ARHGAP42: variants seen among roughly 807,000 people sequenced by gnomAD.
ARHGAP42 encodes Rho GTPase activating protein 42, also known as rho GTPase-activating protein 42.
In ARHGAP42, 63 loss-of-function variants were observed where a neutral mutation model predicts 125.0. The observed-to-expected ratio is 0.50, with a 90% CI of 0.41 to 0.62. The LOEUF is 0.62. ARHGAP42 is among the 20% of genes least tolerant of loss of function. ARHGAP42 has a pLI of 0.00. For synonymous variants in ARHGAP42, 339 were observed against 351.0 expected (o/e 0.97, Z 0.38); for missense variants, 766 against 1,024.2 (o/e 0.75, Z 3.44).
intron 21 of ARHGAP42, among the ~76,000 whole-genome samples, chr11:100,977,243 G>GTA: frequency 6.6e-6 from 1 of 152,280 alleles, no homozygotes; most frequent in African/African-American, 2.4e-5. Flanking sequence ...GAAAACTGAT[G>GTA]TATAATACAG....
intron 3 of ARHGAP42, among the ~76,000 whole-genome samples, chr11:100,797,347 G>A (rs142037565): frequency 0.014 from 2,127 of 152,260 alleles, 51 homozygotes; most frequent in African/African-American, 0.049. Context: ...GACTTTCACA[G>A]CAATAAAAGA....
Position 100,738,222 on chromosome 11 carries a change from A to G in ARHGAP42, c.155-32121A>G, listed in dbSNP as rs145119094. On this transcript the variant is annotated intron_variant, in intron 1 of 23. Transcript: ENST00000298815. ...GGTTAAAATTATTACAATGCTTCAG[A>G]GGCAATTATTTACATATGTTTTCTC... Among the ~76,000 whole-genome samples the G allele has an allele frequency of 2.6e-3, 398 of 152,342 alleles. 4 individuals carry two copies. The highest frequency in any genetic ancestry group is 9.1e-3 in the African/African-American group (379 of 41,584).
chr11:100,699,507 T>TATATATATA (rs1491440671), intron 1 of ARHGAP42, among the ~76,000 whole-genome samples: 1 of 28,600 alleles, frequency 3.5e-5, no homozygotes, highest in South Asian at 2.2e-3. Flanking sequence ...TATATATATA[T>TATATATATA]TTTTTTTTTT....
chr11:100,809,043 A>G (rs909897019), intron 3 of ARHGAP42, among the ~76,000 whole-genome samples: 2 of 152,180 alleles, frequency 1.3e-5, no homozygotes, highest in African/African-American at 2.4e-5. Context: ...GAGAGGGCCC[A>G]CATTGCTTGT....
At chr11:100,970,837 G>A (rs1205153066) in intron 17 of ARHGAP42, among the ~76,000 whole-genome samples, 1 of 152,110 alleles carries the variant, frequency 6.6e-6, no homozygotes, top group East Asian at 2.0e-4. Context: ...CACCCTAGAT[G>A]TCTGGCTAGT....
At chr11:100,976,518 A>G in intron 20 of ARHGAP42, 81 bp downstream of exon 20, 1 of 1,440,578 alleles carries the variant, frequency 6.9e-7, no homozygotes, top group South Asian at 1.5e-5. Flanking sequence ...TTAAGCAGGG[A>G]TAAAGTTAAT....
At chr11:100,725,454 C>G (rs7126604) in intron 1 of ARHGAP42, among the ~76,000 whole-genome samples, 70,743 of 149,854 alleles carry the variant, frequency 0.47, 17,367 homozygotes, top group African/African-American at 0.63. Context: ...CAGGCGTGAG[C>G]CACCGCGCCC....
intron 1 of ARHGAP42, among the ~76,000 whole-genome samples, chr11:100,720,354 A>G (rs1861738322): frequency 2.0e-5 from 3 of 152,222 alleles, no homozygotes; most frequent in Admixed American, 1.3e-4. Flanking sequence ...ATGATTGTTG[A>G]TAATGTTGGA....
intron 2 of ARHGAP42, among the ~76,000 whole-genome samples, chr11:100,790,064 G>A (rs1180240033): frequency 1.3e-5 from 2 of 152,172 alleles, no homozygotes; most frequent in Non-Finnish European, 2.9e-5. Flanking sequence ...GTGGAGTTAT[G>A]TCAACAATGA....
At chr11:100,688,616 A>T (rs1036710695) in intron 1 of ARHGAP42, among the ~76,000 whole-genome samples, 4 of 152,220 alleles carry the variant, frequency 2.6e-5, no homozygotes, top group African/African-American at 9.6e-5. Context: ...AATTCCTAAG[A>T]CCTAAGAGTA....
intron 3 of ARHGAP42, among the ~76,000 whole-genome samples, chr11:100,841,832 C>T (rs1037985289): frequency 1.3e-5 from 2 of 152,148 alleles, no homozygotes; most frequent in East Asian, 1.9e-4. Context: ...CTTTGCCTAT[C>T]CAGTTTAATT....
At chr11:100,870,024 A>G (rs771298579) in intron 4 of ARHGAP42, among the ~76,000 whole-genome samples, 6 of 152,186 alleles carry the variant, frequency 3.9e-5, no homozygotes, top group South Asian at 2.1e-4. Flanking sequence ...TGACTGTGCA[A>G]TACAGTGGAG....
chr11:100,687,727 G>C lies in ARHGAP42; in HGVS notation c.49G>C (p.Asp17His). ...EFSDSYLDSP[D>H]FRERLQCHEI... ...CAGCGATTCCTACTTGGACAGCCCA[G>C]ATTTCAGGGAGCGCTTGCAGTGTCA... Residue 17 changes from aspartate to histidine, a missense_variant, in exon 1 of 24, where the codon GAT becomes CAT. Physicochemically the swap from Asp to His is moderately conservative, Grantham distance 81 (BLOSUM62 -1). Transcript: ENST00000298815. 6.5e-7 allele frequency: 1 copy of C among 1,549,984 alleles called. No homozygotes were observed. The highest frequency in any genetic ancestry group is 2.4e-5 in the East Asian group (1 of 40,886).
chr11:100,717,366 G>A (rs530594498), intron 1 of ARHGAP42, among the ~76,000 whole-genome samples: 2 of 152,088 alleles, frequency 1.3e-5, no homozygotes, highest in African/African-American at 2.4e-5. Context: ...GGCCGGGCGC[G>A]GTGGCTCATG....
At chr11:100,706,673 G>T (rs1408088308) in intron 1 of ARHGAP42, among the ~76,000 whole-genome samples, 1 of 152,296 alleles carries the variant, frequency 6.6e-6, no homozygotes, top group East Asian at 1.9e-4. Flanking sequence ...GCATTTTCAA[G>T]ATGTCATTTC....
At chr11:100,987,388 T>A in intron 22 of ARHGAP42, 125 bp from the exon 23 acceptor site, 1 of 750,130 alleles carries the variant, frequency 1.3e-6, no homozygotes, top group East Asian at 2.7e-5. Flanking sequence ...CACTCATATA[T>A]GCACTTTATG....
intron 4 of ARHGAP42, among the ~76,000 whole-genome samples, chr11:100,900,522 CT>C (rs1411774290): frequency 6.6e-6 from 1 of 152,134 alleles, no homozygotes; most frequent in African/African-American, 2.4e-5. Context: ...TGGTTCCATT[CT>C]CCCCATCACT....
chr11:100,754,955 C>T (rs1429071285), intron 1 of ARHGAP42, among the ~76,000 whole-genome samples: 1 of 152,184 alleles, frequency 6.6e-6, no homozygotes, highest in East Asian at 1.9e-4. Context: ...TATTGGAGGA[C>T]TTTACTCTGG....
intron 1 of ARHGAP42, among the ~76,000 whole-genome samples, chr11:100,738,259 A>T (rs1264192821): frequency 1.3e-5 from 2 of 152,158 alleles, no homozygotes; most frequent in Non-Finnish European, 2.9e-5. Flanking sequence ...CTTCATCTTT[A>T]ATATAGTAAC....
Sources: gnomAD v4.1 joint callset for allele counts (sites outside exome capture counted in the v4.1 genomes callset) on GRCh38, gnomAD v4.1.1 for gene constraint, MANE v1.5 for transcripts, NCBI Gene and HGNC (gene_info 2026-07-23, HGNC 2026-07-21) for gene names.